AFG1L: variants seen among roughly 807,000 people sequenced by gnomAD.
The protein encoded by AFG1L is AFG1-like ATPase.
A neutral mutation model predicts 62.2 loss-of-function variants in AFG1L; 53 were observed. The observed-to-expected ratio is 0.85, with a 90% CI of 0.68 to 1.07. The LOEUF (loss-of-function observed/expected upper bound fraction) is 1.07. Among genes scored for constraint, AFG1L ranks in the 50% least tolerant of loss-of-function variants. The pLI, the probability that AFG1L is intolerant of heterozygous loss-of-function variation, is 0.00. For synonymous variants in AFG1L, 228 were observed against 210.3 expected (o/e 1.08, Z -0.73); for missense variants, 555 against 590.5 (o/e 0.94, Z 0.62).
chr6:108,381,799 GAAATT>G (rs1185315601), intron 6 of AFG1L, among the ~76,000 whole-genome samples: 1 of 152,096 alleles, frequency 6.6e-6, no homozygotes, highest in Non-Finnish European at 1.5e-5. Context: ...TTAAACATTT[GAAATT>G]AAATTAATAG....
chr6:108,417,649 G>T (rs1770378987), intron 7 of AFG1L, among the ~76,000 whole-genome samples: 1 of 152,002 alleles, frequency 6.6e-6, no homozygotes, highest in African/African-American at 2.4e-5. Flanking sequence ...TATTTAAATA[G>T]AAAAATTTAG....
chr6:108,483,667 A>G (rs1283391223), intron 10 of AFG1L, among the ~76,000 whole-genome samples: 1 of 152,258 alleles, frequency 6.6e-6, no homozygotes, highest in African/African-American at 2.4e-5. Context: ...TGTCTTAAAA[A>G]TAATGACAGG....
chr6:108,447,424 G>A (rs1450966295), intron 8 of AFG1L, 128 bp downstream of exon 8: 3 of 563,186 alleles, frequency 5.3e-6, no homozygotes, highest in East Asian at 3.1e-5. Flanking sequence ...AATTGCAAAT[G>A]TTCTCATGTT....
intron 8 of AFG1L, among the ~76,000 whole-genome samples, chr6:108,451,876 G>A (rs1348450104): frequency 2.0e-5 from 3 of 151,958 alleles, no homozygotes; most frequent in Admixed American, 6.6e-5. Context: ...CACCACACCC[G>A]GCTAATTTTT....
chr6:108,365,072 G>A (rs1347194647), intron 5 of AFG1L, among the ~76,000 whole-genome samples: 3 of 152,064 alleles, frequency 2.0e-5, no homozygotes, highest in African/African-American at 7.2e-5. Context: ...CTCTAATGGG[G>A]TTTAAAAATA....
chr6:108,522,373 C>T lies in AFG1L; in HGVS notation c.1394C>T (p.Thr465Met), dbSNP rs377620743. The change falls in exon 13 of 13, where the codon ACG (threonine) becomes ATG (methionine). Residue 465 changes from threonine (T) to methionine (M), a missense_variant. By Grantham distance (81) the Thr-to-Met change is moderately conservative. Coordinates refer to ENST00000368977, the MANE Select transcript of AFG1L (RefSeq NM_145315.5). ...TTTCAGCGCACAATTTCCCGACTCA[C>T]GGAAATGCAGACTGAACAGTACTGG... Reference protein sequence around the residue: ...FAFQRTISRLTEMQTEQYWNE... With the variant: ...FAFQRTISRLMEMQTEQYWNE... 52 of 1,613,814 alleles carry T rather than the reference C, an allele frequency of 3.2e-5. No individual in the cohort carries two copies. Among genetic ancestry groups the T allele is most frequent in the African/African-American group, 2.0e-4 (15 of 74,894 alleles).
intron 7 of AFG1L, among the ~76,000 whole-genome samples, chr6:108,444,667 G>A (rs577760621): frequency 1.3e-5 from 2 of 152,206 alleles, no homozygotes; most frequent in Non-Finnish European, 2.9e-5. Context: ...GGATTGTCAT[G>A]AGCAGTAATC....
At chr6:108,472,991 A>G (rs1478711828) in intron 8 of AFG1L, among the ~76,000 whole-genome samples, 3 of 151,704 alleles carry the variant, frequency 2.0e-5, no homozygotes, top group African/African-American at 7.3e-5. Flanking sequence ...TTGTAGAGAT[A>G]AAGTTTTGCT....
intron 2 of AFG1L, among the ~76,000 whole-genome samples, chr6:108,345,124 T>G (rs1389772749): frequency 6.6e-6 from 1 of 152,210 alleles, no homozygotes; most frequent in African/African-American, 2.4e-5. Flanking sequence ...TTGGATGGAT[T>G]GGTAGGAAAT....
At position 108,445,680 on chromosome 6, in the gene AFG1L, G is replaced by GAA. The variant is rs1173197953; in HGVS notation, c.808-1532_808-1531dup. 4.3e-5 allele frequency among the ~76,000 whole-genome samples: 6 copies of GAA among 139,588 alleles called. No individual in the cohort carries two copies. In the East Asian group the frequency reaches 1.3e-3, roughly 31 times the overall value. The allele number at this position is 139,588 out of a possible 152,430, so 91.6% of individuals were successfully genotyped here. ...AGAGAGAGAGAGAGAGAGAGAGAGA[G>GAA]AAACAGCCAGTTGGTATAGCAGTCA... On this transcript the variant is annotated intron_variant, in intron 7 of 12. Coordinates refer to ENST00000368977, the MANE Select transcript of AFG1L (RefSeq NM_145315.5).
intron 7 of AFG1L, among the ~76,000 whole-genome samples, chr6:108,420,566 T>C (rs1770543878): frequency 2.6e-5 from 4 of 151,688 alleles, no homozygotes; most frequent in Admixed American, 2.0e-4. Flanking sequence ...TTAATAAATA[T>C]CTAAGATGAA....
At chr6:108,306,729 C>A (rs1373643347) in intron 1 of AFG1L, among the ~76,000 whole-genome samples, 1 of 152,172 alleles carries the variant, frequency 6.6e-6, no homozygotes, top group African/African-American at 2.4e-5. Flanking sequence ...AGTCTCACAA[C>A]ATAGTTTCTA....
intron 5 of AFG1L, among the ~76,000 whole-genome samples, chr6:108,361,317 C>G (rs1327041293): frequency 6.6e-6 from 1 of 152,164 alleles, no homozygotes; most frequent in South Asian, 2.1e-4. Context: ...AGGTGCAAAT[C>G]AATACACCAC....
Position 108,402,013 on chromosome 6 carries a change from C to A in AFG1L, c.766C>A (p.Leu256Ile). 1 of 1,506,856 alleles carries A rather than the reference C, an allele frequency of 6.6e-7. No homozygotes were observed. The highest frequency in any genetic ancestry group is 9.0e-7 in the Non-Finnish European group (1 of 1,116,884). The allele number at this position is 1,506,856 out of a possible 1,614,324, so 93.3% of individuals were successfully genotyped here. ...RPPEDLYKNG[L>I]QRANFVPFIA... Reference sequence around the variant, plus strand: ...TCTTTCAGATCTCTATAAAAATGGACTCCAAAGAGCTAACTTTGTACCATT... The same window carrying A: ...TCTTTCAGATCTCTATAAAAATGGAATCCAAAGAGCTAACTTTGTACCATT... The change falls in exon 7 of 13, where the codon CTC (leucine) becomes ATC (isoleucine). Residue 256 changes from leucine to isoleucine, a missense_variant. Transcript: ENST00000368977.
chr6:108,387,601 TC>T (rs1780826321), intron 6 of AFG1L: 1 of 152,236 alleles, frequency 6.6e-6, no homozygotes, highest in Non-Finnish European at 1.5e-5. Context: ...GACTCTAAGA[TC>T]AGTTCAACAA....
intron 7 of AFG1L, among the ~76,000 whole-genome samples, chr6:108,417,666 C>G (rs1256033844): frequency 6.6e-6 from 1 of 151,940 alleles, no homozygotes; most frequent in Admixed American, 6.6e-5. Flanking sequence ...TTAGGTAATT[C>G]TTTTTCTCTT....
At chr6:108,436,707 C>T (rs1771327667) in intron 7 of AFG1L, among the ~76,000 whole-genome samples, 1 of 152,152 alleles carries the variant, frequency 6.6e-6, no homozygotes, top group Non-Finnish European at 1.5e-5. Flanking sequence ...AAAATGCCTG[C>T]GTTTGAATCC....
intron 1 of AFG1L, among the ~76,000 whole-genome samples, chr6:108,312,424 G>A (rs888477498): frequency 1.3e-5 from 2 of 152,142 alleles, no homozygotes; most frequent in African/African-American, 4.8e-5. Flanking sequence ...GTGTGTACCT[G>A]TAGTCCCAGC....
Position 108,312,135 on chromosome 6 carries a change from G to A in AFG1L, c.140-11690G>A, listed in dbSNP as rs557138595. Among the ~76,000 whole-genome samples the A allele has an allele frequency of 2.9e-3, 442 of 152,312 alleles. 3 individuals carry two copies. The highest frequency in any genetic ancestry group is 0.01 in the African/African-American group (424 of 41,572). On this transcript the variant is annotated intron_variant, in intron 1 of 12. Transcript: ENST00000368977. ...CTGCCTTGGCCTCCCAAAGTGTTGG[G>A]ATTACAGGCGTGAGCCATCGTGCCC...
Sources: gnomAD v4.1 joint callset for allele counts (sites outside exome capture counted in the v4.1 genomes callset) on GRCh38, gnomAD v4.1.1 for gene constraint, MANE v1.5 for transcripts, NCBI Gene and HGNC (gene_info 2026-07-23, HGNC 2026-07-21) for gene names.